Variants in DHX37 observed in about 807,000 individuals in gnomAD.
DHX37 encodes the protein DEAH-box helicase 37.
DHX37 carries 52 observed loss-of-function variants against 134.3 expected under a neutral mutation model. The ratio of observed to expected loss-of-function variants is 0.39; its 90% CI spans 0.31 to 0.49. DHX37 has a LOEUF of 0.49. Among genes scored for constraint, DHX37 ranks in the 20% least tolerant of loss-of-function variants. The pLI is 0.93. For synonymous variants in DHX37, 634 were observed against 670.7 expected, an observed-to-expected ratio of 0.95 and a Z score of 0.85; for missense variants, 1,344 against 1,580.8, an observed-to-expected ratio of 0.85 and a Z score of 2.54.
chr12:124,969,580 A>C (rs1954473931), intron 8 of DHX37, among the ~76,000 whole-genome samples: 1 of 150,956 alleles, frequency 6.6e-6, no homozygotes, highest in South Asian at 2.1e-4. Context: ...CTGCTTGGCC[A>C]CTCTAGACTT....
At chr12:124,951,431 T>G (rs1953975636) in intron 21 of DHX37, among the ~76,000 whole-genome samples, 1 of 152,052 alleles carries the variant, frequency 6.6e-6, no homozygotes, top group African/African-American at 2.4e-5. Flanking sequence ...GATCCACAGA[T>G]GGAAAGCAGG....
intron 12 of DHX37, 125 bp from the exon 13 acceptor site, chr12:124,965,937 G>C (rs1954378398): frequency 8.1e-7 from 1 of 1,231,872 alleles, no homozygotes; most frequent in Non-Finnish European, 1.1e-6. Context: ...ATGCAACCCG[G>C]GGCAGGCCAC....
intron 2 of DHX37, among the ~76,000 whole-genome samples, chr12:124,983,785 CAAAAA>C (rs11298102): frequency 4.3e-5 from 5 of 117,426 alleles, no homozygotes; most frequent in Non-Finnish European, 7.1e-5. Flanking sequence ...ACCTTGTCTC[CAAAAA>C]AAAAAAAAAA....
chr12:124,986,306 T>C (rs1315889060), intron 1 of DHX37, 41 bp from the exon 2 acceptor site: 1 of 1,602,830 alleles, frequency 6.2e-7, no homozygotes, highest in South Asian at 1.1e-5. Context: ...CTCCTTGAGG[T>C]AGCTCTGGTC....
At chr12:124,948,374 TG>T in intron 25 of DHX37, 193 bp from the exon 26 acceptor site, 1 of 1,038,184 alleles carries the variant, frequency 9.6e-7, no homozygotes, top group Non-Finnish European at 1.4e-6. Context: ...CCCTTGAGCC[TG>T]GGAGTTGGAG....
chr12:124,961,632 T>C (rs891212872), intron 15 of DHX37, among the ~76,000 whole-genome samples: 1 of 152,214 alleles, frequency 6.6e-6, no homozygotes, highest in Admixed American at 6.5e-5. Flanking sequence ...TTTCACTATG[T>C]TGGCCAGGCT....
intron 25 of DHX37, 163 bp from the exon 26 acceptor site, chr12:124,948,344 G>T: frequency 7.8e-7 from 1 of 1,285,890 alleles, no homozygotes; most frequent in Non-Finnish European, 1.0e-6. Flanking sequence ...CAGTTACTCA[G>T]GGGGCTGAAG....
At chr12:124,973,460 G>T (rs1411485891) in intron 6 of DHX37, among the ~76,000 whole-genome samples, 1 of 149,958 alleles carries the variant, frequency 6.7e-6, no homozygotes, top group Non-Finnish European at 1.5e-5. Context: ...GCAAAATATT[G>T]AGGATAAAAT....
chr12:124,971,162 G>A, intron 8 of DHX37, 140 bp downstream of exon 8: 1 of 1,370,488 alleles, frequency 7.3e-7, no homozygotes. Context: ...CCTAGGCCCA[G>A]GGAGACCTTG....
At chr12:124,965,560 G>A in intron 13 of DHX37, 108 bp downstream of exon 13, 5 of 1,444,662 alleles carry the variant, frequency 3.5e-6, no homozygotes, top group Non-Finnish European at 4.6e-6. Flanking sequence ...GGAAGCATCG[G>A]GGACAAAGCT....
chr12:124,977,296 C>T (rs775162919), intron 5 of DHX37, 46 bp downstream of exon 5: 2 of 1,475,792 alleles, frequency 1.4e-6, no homozygotes, highest in South Asian at 2.9e-5. Context: ...AGGGCATCTC[C>T]AGTGTCACTG....
At chr12:124,967,518 G>A (rs141518653) in intron 10 of DHX37, among the ~76,000 whole-genome samples, 32 of 152,292 alleles carry the variant, frequency 2.1e-4, no homozygotes, top group African/African-American at 5.5e-4. Context: ...CAGTGACAGC[G>A]CCGCGGCTGC....
intron 18 of DHX37, among the ~76,000 whole-genome samples, chr12:124,955,018 A>G (rs1954063639): frequency 6.6e-6 from 1 of 152,248 alleles, no homozygotes; most frequent in South Asian, 2.1e-4. Flanking sequence ...CTCAGTCACC[A>G]CGCTACAGAG....
chr12:124,981,788 A>G (rs1186252392), intron 3 of DHX37, among the ~76,000 whole-genome samples: 1 of 151,350 alleles, frequency 6.6e-6, no homozygotes, highest in Non-Finnish European at 1.5e-5. Context: ...TGGCAGCGCC[A>G]GGAAGCTAAC....
At chr12:124,975,874 C>T (rs1954628674) in intron 5 of DHX37, among the ~76,000 whole-genome samples, 2 of 152,158 alleles carry the variant, frequency 1.3e-5, no homozygotes, top group Non-Finnish European at 1.5e-5. Flanking sequence ...ACACCACAGA[C>T]CTGCAGCTGC....
chr12:124,958,255 G>A (rs1954143655), intron 16 of DHX37, among the ~76,000 whole-genome samples: 1 of 152,338 alleles, frequency 6.6e-6, no homozygotes, highest in Admixed American at 6.5e-5. Context: ...CTAGAGGCGG[G>A]GTGGTGAGCC....
chr12:124,960,283 T>TGA, intron 16 of DHX37, 29 bp downstream of exon 16: 1 of 1,598,606 alleles, frequency 6.3e-7, no homozygotes, highest in Non-Finnish European at 8.6e-7. Context: ...CTGGGGTGGC[T>TGA]GAGAGCGGGG....
rs544332673 is a variant in DHX37, at chr12:124,982,748, G to C, written c.277-125C>G. The stretch of plus-strand genomic sequence containing the variant: ...AGTCTTTAAAATCGGCGGTCAAATT[G>C]CAATTCTACTGGTGCATGGTGTTCT... On this transcript the variant is annotated intron_variant, in intron 2 of 26. Transcript: ENST00000308736. 68 of 1,317,752 alleles carry C rather than the reference G, an allele frequency of 5.2e-5. No individual in the cohort carries two copies. The South Asian group carries it at 8.9e-4, about 17-fold the overall frequency. The allele number at this position is 1,317,752 out of a possible 1,614,324, so 81.6% of individuals were successfully genotyped here. A position where few individuals can be genotyped will look rare whatever the true frequency, so the allele number is the denominator to read the frequency against.
At chr12:124,959,302 T>C (rs1954176573) in intron 16 of DHX37, among the ~76,000 whole-genome samples, 1 of 152,162 alleles carries the variant, frequency 6.6e-6, no homozygotes, top group Non-Finnish European at 1.5e-5. Context: ...CTTGAACTCC[T>C]GACTTTGTGA....
Sources: gnomAD v4.1 joint callset for allele counts (sites outside exome capture counted in the v4.1 genomes callset) on GRCh38, gnomAD v4.1.1 for gene constraint, MANE v1.5 for transcripts, NCBI Gene and HGNC (gene_info 2026-07-23, HGNC 2026-07-21) for gene names.